KBTBD11: variants seen among roughly 807,000 people sequenced by gnomAD.
KBTBD11 encodes kelch repeat and BTB domain-containing protein 11.
For missense variants in KBTBD11, 1,390 were observed against 1,001.8 expected, an observed-to-expected ratio of 1.39 and a Z score of -5.23; for synonymous variants, 747 against 499.0, an observed-to-expected ratio of 1.50 and a Z score of -6.63.
intron 1 of KBTBD11, among the ~76,000 whole-genome samples, chr8:1,988,506 G>T (rs1253799303): frequency 1.3e-5 from 2 of 152,164 alleles, no homozygotes; most frequent in Admixed American, 6.5e-5. Flanking sequence ...TTTTTCATGT[G>T]TCTGTCGGCT....
At chr8:1,999,149 G>A (rs368913729) in intron 1 of KBTBD11, among the ~76,000 whole-genome samples, 1 of 152,314 alleles carries the variant, frequency 6.6e-6, no homozygotes, top group South Asian at 2.1e-4. Flanking sequence ...ATATCTGGAA[G>A]ACAGAGGGAG....
At chr8:1,974,123 C>CGGAGG (rs1816228913) in intron 1 of KBTBD11, among the ~76,000 whole-genome samples, 188 bp downstream of exon 1, 1 of 2,398 alleles carries the variant, frequency 4.2e-4, no homozygotes, top group African/African-American at 2.9e-3. Context: ...GGGAGGGGAG[C>CGGAGG]GGAGCGGAGG....
chr8:1,980,539 T>C (rs929595060), intron 1 of KBTBD11, among the ~76,000 whole-genome samples: 5 of 152,194 alleles, frequency 3.3e-5, no homozygotes, highest in Non-Finnish European at 5.9e-5. Flanking sequence ...ATCAAAACTT[T>C]TAAAATGAGC....
Position 2,001,247 on chromosome 8 carries a change from G to A in KBTBD11, c.55G>A (p.Ala19Thr). ...VLYPGTEPGA[A>T]GESESEGAAS... The stretch of plus-strand genomic sequence containing the variant: ...CTACCCAGGGACTGAGCCCGGGGCT[G>A]CCGGGGAGAGCGAGAGCGAGGGCGC... Residue 19 changes from alanine to threonine, a missense_variant, in exon 2 of 2, where the codon GCC (alanine) becomes ACC (threonine). Ala to Thr is a moderately conservative substitution (Grantham distance 58, BLOSUM62 0). Coordinates refer to ENST00000320248, the MANE Select transcript of KBTBD11 (RefSeq NM_014867.3). 3 of 1,498,458 alleles carry A rather than the reference G, an allele frequency of 2.0e-6. No individual in the cohort carries two copies. The highest frequency in any genetic ancestry group is 2.7e-6 in the Non-Finnish European group (3 of 1,128,994). 92.8% of individuals were successfully genotyped at this position (1,498,458 alleles called of 1,614,324 possible).
At chr8:1,990,212 A>G (rs62478221) in intron 1 of KBTBD11, among the ~76,000 whole-genome samples, 141,954 of 150,016 alleles carry the variant, frequency 0.95, 67,166 homozygotes, top group East Asian at 1. Context: ...CGCCCTGTCC[A>G]GGTGGGTGCT....
chr8:2,001,571 G>T lies in KBTBD11; in HGVS notation c.379G>T (p.Ala127Ser). 1 of 1,445,940 alleles carries T rather than the reference G, an allele frequency of 6.9e-7. No homozygotes were observed. The highest frequency in any genetic ancestry group is 9.0e-7 in the Non-Finnish European group (1 of 1,105,140). The allele number at this position is 1,445,940 out of a possible 1,614,324, so 89.6% of individuals were successfully genotyped here. ...PASPEEPGEPAPVPPGFGAVY... is the reference protein window; with the variant it reads ...PASPEEPGEPSPVPPGFGAVY... ...GTCCCCCGAGGAGCCCGGGGAGCCC[G>T]CGCCCGTACCCCCGGGGTTCGGGGC... The change falls in exon 2 of 2, where the codon GCG (alanine) becomes TCG (serine). Residue 127 changes from alanine (A) to serine (S), a missense_variant. Coordinates refer to ENST00000320248, the MANE Select transcript of KBTBD11 (RefSeq NM_014867.3).
intron 1 of KBTBD11, among the ~76,000 whole-genome samples, chr8:1,998,881 G>C (rs4541975): frequency 0.94 from 142,921 of 152,278 alleles, 67,089 homozygotes; most frequent in East Asian, 1. Context: ...TCGGGTCACC[G>C]TTACATTGTG....
intron 1 of KBTBD11, among the ~76,000 whole-genome samples, chr8:1,992,643 C>A (rs1484225771): frequency 6.6e-6 from 1 of 151,802 alleles, no homozygotes; most frequent in Admixed American, 6.6e-5. Flanking sequence ...TCCTTATTTT[C>A]ATACTGTTTT....
chr8:1,980,356 AGCTG>A (rs1332937788), intron 1 of KBTBD11, among the ~76,000 whole-genome samples: 1 of 151,172 alleles, frequency 6.6e-6, no homozygotes, highest in East Asian at 2.0e-4. Context: ...CCTCCGGAGT[AGCTG>A]GGATTACAAG....
chr8:2,002,377 G>A lies in KBTBD11; in HGVS notation c.1185G>A (p.Val395=), dbSNP rs1291502587. 6 of 1,478,578 alleles carry A rather than the reference G, an allele frequency of 4.1e-6. No individual in the cohort carries two copies. The highest frequency in any genetic ancestry group is 5.4e-6 in the Non-Finnish European group (6 of 1,120,874). The allele number at this position is 1,478,578 out of a possible 1,614,324, so 91.6% of individuals were successfully genotyped here. Reference sequence around the variant, plus strand: ...CGGCCACGGACAGCTGGAGCGCCGTGAGGCCCCTGCGCCAGGCGCGCTCGC... The same window carrying A: ...CGGCCACGGACAGCTGGAGCGCCGTAAGGCCCCTGCGCCAGGCGCGCTCGC... The part of the protein sequence containing the change: ...YNPATDSWSA[V]RPLRQARSQL... The change falls in exon 2 of 2, where the codon GTG becomes GTA. Residue 395 remains valine, a synonymous_variant. Coordinates refer to ENST00000320248, the MANE Select transcript of KBTBD11 (RefSeq NM_014867.3). The surrounding 1 kb of genome is among the most constrained non-coding windows in gnomAD (Gnocchi z 4.1).
chr8:1,994,888 G>T (rs571478921), intron 1 of KBTBD11, among the ~76,000 whole-genome samples: 2 of 151,966 alleles, frequency 1.3e-5, no homozygotes, highest in Non-Finnish European at 2.9e-5. Context: ...GCGAAACTCC[G>T]TCTCTACTAA....
intron 1 of KBTBD11, among the ~76,000 whole-genome samples, chr8:1,985,742 A>G (rs1449601695): frequency 6.6e-6 from 1 of 152,256 alleles, no homozygotes; most frequent in Admixed American, 6.5e-5. Flanking sequence ...GCAGTGAGCC[A>G]TGATTGCACC....
At chr8:1,998,685 G>A (rs2129315377) in intron 1 of KBTBD11, among the ~76,000 whole-genome samples, 1 of 152,306 alleles carries the variant, frequency 6.6e-6, no homozygotes, top group African/African-American at 2.4e-5. Context: ...AAACGAATAA[G>A]CCAACTGAGA....
chr8:1,986,763 T>G (rs546779977), intron 1 of KBTBD11, among the ~76,000 whole-genome samples: 19 of 152,306 alleles, frequency 1.2e-4, no homozygotes, highest in Admixed American at 5.2e-4. Context: ...TTTTAAATTG[T>G]AAAATATTTC....
rs1380814032 is a variant in KBTBD11, at chr8:1,979,184, A to G, written c.-909+5249A>G. On this transcript the variant is annotated intron_variant, in intron 1 of 1. Coordinates refer to ENST00000320248, the MANE Select transcript of KBTBD11 (RefSeq NM_014867.3). ...TCTGCAGGGCAGGCCGGCAGGCTGG[A>G]TAGCCAGGGAAGTGCTGGCATTGCA... is the stretch of plus-strand genomic sequence containing the variant. Among the ~76,000 whole-genome samples the G allele has an allele frequency of 5.3e-5, 8 of 152,310 alleles. No individual in the cohort carries two copies. The East Asian group carries it at 1.4e-3, about 26-fold the overall frequency.
intron 1 of KBTBD11, among the ~76,000 whole-genome samples, chr8:1,986,142 G>A (rs548601271): frequency 2.6e-5 from 4 of 152,304 alleles, no homozygotes; most frequent in Admixed American, 2.0e-4. Flanking sequence ...TCACCTGCTG[G>A]TTTGGGGTTG....
Position 1,987,065 on chromosome 8 carries a change from G to T in KBTBD11, c.-909+13130G>T, listed in dbSNP as rs2129311473. On this transcript the variant is annotated intron_variant, in intron 1 of 1. Coordinates refer to ENST00000320248, the MANE Select transcript of KBTBD11 (RefSeq NM_014867.3). ...ACACACACACACAAAGAAGGAACCT[G>T]AATGATACGGTCTATGTGGTGAACA... Among the ~76,000 whole-genome samples, 2 of 146,908 alleles carry T rather than the reference G, an allele frequency of 1.4e-5. 1 individual carries two copies. The highest frequency in any genetic ancestry group is 4.0e-4 in the East Asian group (2 of 4,964).
At chr8:1,983,820 C>T (rs1222564375) in intron 1 of KBTBD11, among the ~76,000 whole-genome samples, 7 of 152,236 alleles carry the variant, frequency 4.6e-5, no homozygotes, top group East Asian at 3.8e-4. Flanking sequence ...TGAAGTCTAA[C>T]ATACAAACTG....
intron 1 of KBTBD11, among the ~76,000 whole-genome samples, chr8:1,987,876 T>A (rs1480799970): frequency 6.6e-6 from 1 of 151,968 alleles, no homozygotes; most frequent in Non-Finnish European, 1.5e-5. Flanking sequence ...ATGCTTTCCC[T>A]CCCCCAGCTC....
Sources: gnomAD v4.1 joint callset for allele counts (sites outside exome capture counted in the v4.1 genomes callset) on GRCh38, gnomAD v4.1.1 for gene constraint, Gnocchi (gnomAD v3.1) non-coding constraint, MANE v1.5 for transcripts, NCBI Gene and HGNC (gene_info 2026-07-23, HGNC 2026-07-21) for gene names.